CCDC152: variants seen among roughly 807,000 people sequenced by gnomAD.
The protein encoded by CCDC152 is coiled-coil domain containing 152.
In CCDC152, 37 loss-of-function variants were observed where a neutral mutation model predicts 38.1. The ratio of observed to expected loss-of-function variants is 0.97; its 90% CI spans 0.75 to 1.28. The LOEUF is 1.28. CCDC152 is among the 50% of genes most tolerant of loss of function. The pLI, the probability that CCDC152 is intolerant of heterozygous loss-of-function variation, is 0.00. For missense variants in CCDC152, 259 were observed against 292.1 expected, an observed-to-expected ratio of 0.89 and a Z score of 0.83; for synonymous variants, 83 against 87.1, an observed-to-expected ratio of 0.95 and a Z score of 0.26.
chr5:42,789,692 A>C (rs1010481485), intron 6 of CCDC152, among the ~76,000 whole-genome samples: 1 of 152,174 alleles, frequency 6.6e-6, no homozygotes, highest in Non-Finnish European at 1.5e-5. Flanking sequence ...TATTGAATAT[A>C]ATTTCACTAA....
chr5:42,773,360 C>T (rs1308897699), intron 4 of CCDC152, among the ~76,000 whole-genome samples: 1 of 152,062 alleles, frequency 6.6e-6, no homozygotes, highest in Non-Finnish European at 1.5e-5. Flanking sequence ...TCTGAAAATT[C>T]AAAGCCAGTC....
chr5:42,769,884 T>G (rs1248026117), intron 4 of CCDC152, among the ~76,000 whole-genome samples: 1 of 152,234 alleles, frequency 6.6e-6, no homozygotes, highest in Non-Finnish European at 1.5e-5. Flanking sequence ...CATAAAGGGA[T>G]GTTTTACATA....
intron 3 of CCDC152, among the ~76,000 whole-genome samples, chr5:42,767,829 G>A (rs1759645790): frequency 6.6e-6 from 1 of 152,290 alleles, no homozygotes; most frequent in African/African-American, 2.4e-5. Context: ...ATTCTAAAAG[G>A]CACAAAGACA....
At chr5:42,782,559 TA>T (rs1028138471) in intron 5 of CCDC152, among the ~76,000 whole-genome samples, 7 of 152,204 alleles carry the variant, frequency 4.6e-5, no homozygotes, top group Non-Finnish European at 1.0e-4. Context: ...GGTGAAAGGA[TA>T]AAAAATTTTA....
intron 7 of CCDC152, among the ~76,000 whole-genome samples, chr5:42,798,721 C>A (rs1006506632): frequency 6.6e-6 from 1 of 152,040 alleles, no homozygotes; most frequent in African/African-American, 2.4e-5. Context: ...ATTCTTAGTC[C>A]TCAGAGAGGC....
At chr5:42,788,045 C>T (rs776794267) in intron 6 of CCDC152, among the ~76,000 whole-genome samples, 71 of 152,262 alleles carry the variant, frequency 4.7e-4, no homozygotes, top group South Asian at 8.3e-4. Flanking sequence ...GAACTTTGTA[C>T]TTCTGCGTGC....
At chr5:42,773,858 A>G (rs1367902697) in intron 4 of CCDC152, among the ~76,000 whole-genome samples, 3 of 152,354 alleles carry the variant, frequency 2.0e-5, no homozygotes, top group African/African-American at 4.8e-5. Flanking sequence ...GTATCTTTAG[A>G]AATGGTTCCA....
chr5:42,779,517 G>C lies in CCDC152; in HGVS notation c.322G>C (p.Glu108Gln). The C allele has an allele frequency of 6.7e-7, 1 of 1,494,102 alleles. No homozygotes were observed. The highest frequency in any genetic ancestry group is 1.2e-5 in the South Asian group (1 of 82,712). The allele number at this position is 1,494,102 out of a possible 1,614,324, so 92.6% of individuals were successfully genotyped here. A position where few individuals can be genotyped will look rare whatever the true frequency, so the allele number is the denominator to read the frequency against. ...TATAAAAGAGAAGTTAAAGTCTCATGAACAGGTGAGTTTATGTATCATTCT... is the reference window on the plus strand; with the variant it reads ...TATAAAAGAGAAGTTAAAGTCTCATCAACAGGTGAGTTTATGTATCATTCT... ...DLIKEKLKSH[E>Q]QEYKNNIAKL... Residue 108 changes from glutamate to glutamine, a missense_variant, in exon 5 of 9, where the codon GAA (glutamate) becomes CAA (glutamine). Coordinates refer to ENST00000361970, the MANE Select transcript of CCDC152 (RefSeq NM_001134848.2).
At chr5:42,798,300 C>A (rs1003105675) in intron 7 of CCDC152, among the ~76,000 whole-genome samples, 1 of 152,196 alleles carries the variant, frequency 6.6e-6, no homozygotes, top group Non-Finnish European at 1.5e-5. Context: ...CCCCAACTTT[C>A]ATTTTACCTT....
rs779695414 is a variant in CCDC152 at position 42,781,317 on chromosome 5, A to ACCGAGAAG, written c.327+1796_327+1803dup. Among the ~76,000 whole-genome samples, 6 of 152,130 alleles carry ACCGAGAAG rather than the reference A, an allele frequency of 3.9e-5. No homozygotes were observed. The South Asian group carries it at 1.2e-3, about 32-fold the overall frequency. On this transcript the variant is annotated intron_variant, in intron 5 of 8. Transcript: ENST00000361970. ...GTTCACCTGCCCAGTTTTAATTAGAACCGAGAAGTTGAATAGCTTTGTCCA... is the reference window on the plus strand; with the variant it reads ...GTTCACCTGCCCAGTTTTAATTAGAACCGAGAAGCCGAGAAGTTGAATAGCTTTGTCCA...
intron 3 of CCDC152, among the ~76,000 whole-genome samples, chr5:42,767,320 T>A (rs891037277): frequency 1.3e-5 from 2 of 152,168 alleles, no homozygotes; most frequent in Non-Finnish European, 2.9e-5. Flanking sequence ...ATAATATTAG[T>A]ATTGAGAATC....
intron 4 of CCDC152, among the ~76,000 whole-genome samples, chr5:42,776,076 C>A (rs764636380): frequency 6.6e-6 from 1 of 151,968 alleles, no homozygotes; most frequent in Non-Finnish European, 1.5e-5. Context: ...GTAACAAATA[C>A]GGTAGATATT....
intron 6 of CCDC152, among the ~76,000 whole-genome samples, chr5:42,793,170 A>C (rs1760027954): frequency 6.6e-6 from 1 of 152,240 alleles, no homozygotes; most frequent in Non-Finnish European, 1.5e-5. Flanking sequence ...CAATATGCTA[A>C]ATCAAAGAAG....
Position 42,800,797 on chromosome 5 carries a change from G to A in CCDC152, c.*1016G>A, listed in dbSNP as rs760305581. The A allele has an allele frequency of 6.2e-7, 1 of 1,614,192 alleles. No homozygotes were observed. Among genetic ancestry groups the A allele is most frequent in the South Asian group, 1.1e-5 (1 of 91,084 alleles). ...GCACTGGCTTCTGTGGGTATAAGCT[G>A]CTGACTTATTTGTCAGGCAGCTGGA... On this transcript the variant is annotated 3_prime_UTR_variant, in exon 9 of 9. Coordinates refer to ENST00000361970, the MANE Select transcript of CCDC152 (RefSeq NM_001134848.2).
intron 4 of CCDC152, among the ~76,000 whole-genome samples, chr5:42,776,869 A>G (rs1275335570): frequency 1.3e-5 from 2 of 152,220 alleles, no homozygotes; most frequent in African/African-American, 4.8e-5. Context: ...AACTAAATAA[A>G]AATACAATTT....
chr5:42,795,272 T>C (rs1299717455), intron 6 of CCDC152, among the ~76,000 whole-genome samples: 2 of 152,200 alleles, frequency 1.3e-5, no homozygotes, highest in Admixed American at 1.3e-4. Context: ...TTGGACAAAG[T>C]ATACTTTAAA....
Position 42,800,110 on chromosome 5 carries a change from A to G in CCDC152, c.*329A>G, listed in dbSNP as rs556516630. 2.4e-5 allele frequency: 5 copies of G among 207,310 alleles called. No individual in the cohort carries two copies. In the South Asian group the frequency reaches 5.7e-4, roughly 24 times the overall value. The allele number at this position is 207,310 out of a possible 1,614,324, so 12.8% of individuals were successfully genotyped here. On this transcript the variant is annotated 3_prime_UTR_variant, in exon 9 of 9. Transcript: ENST00000361970. ...ACAGCCACTCAAGTTTTAGAAGAGT[A>G]TGATACAACATTAGAGAAAGAAAGA...
In CCDC152 at chr5:42,759,161, A is replaced by G; in HGVS notation, c.40A>G (p.Ser14Gly). Residue 14 changes from serine (S) to glycine (G), a missense_variant, in exon 2 of 9, where the codon AGT (serine) becomes GGT (glycine). Transcript: ENST00000361970. ...SSEGCMKKISSVNLDKLINDF... is the reference protein window; with the variant it reads ...SSEGCMKKISGVNLDKLINDF... The stretch of plus-strand genomic sequence containing the variant: ...TGAAGGATGTATGAAAAAGATTAGC[A>G]GTGTGAATCTTGACAAACTTATAAA... 1 of 1,551,314 alleles carries G rather than the reference A, an allele frequency of 6.4e-7. No homozygotes were observed. The highest frequency in any genetic ancestry group is 8.7e-7 in the Non-Finnish European group (1 of 1,146,602).
At chr5:42,766,296 A>G (rs1005432100) in intron 3 of CCDC152, among the ~76,000 whole-genome samples, 1 of 152,194 alleles carries the variant, frequency 6.6e-6, no homozygotes, top group African/African-American at 2.4e-5. Context: ...AGAGAAGGGA[A>G]CCCTCGTACA....
Sources: allele counts gnomAD v4.1 joint callset (sites outside exome capture counted in the v4.1 genomes callset), GRCh38; gene constraint gnomAD v4.1.1; transcripts MANE v1.5; gene names NCBI Gene and HGNC (gene_info 2026-07-23, HGNC 2026-07-21).